The following PCMT1 variants were observed in gnomAD, a reference collection of about 807,000 sequenced individuals.
PCMT1 encodes the protein protein-L-isoaspartate(D-aspartate) O-methyltransferase.
A neutral mutation model predicts 29.2 loss-of-function variants in PCMT1; 9 were observed. The ratio of observed to expected loss-of-function variants is 0.31; its 90% CI spans 0.19 to 0.54. The LOEUF (loss-of-function observed/expected upper bound fraction) is 0.54, where lower values mean the gene tolerates loss of function less well. Among genes scored for constraint, PCMT1 ranks in the 20% least tolerant of loss-of-function variants. The pLI is 0.95. For synonymous variants in PCMT1, 98 were observed against 97.5 expected (o/e 1.00, Z -0.03); for missense variants, 184 against 282.2 (o/e 0.65, Z 2.49).
chr6:149,755,772 T>G (rs1175199925), intron 1 of PCMT1, among the ~76,000 whole-genome samples: 15 of 152,158 alleles, frequency 9.9e-5, no homozygotes, highest in Non-Finnish European at 2.2e-4. Flanking sequence ...AAACATCCAC[T>G]CCCTCTTGTA....
At chr6:149,759,952 C>T (rs887157368) in intron 1 of PCMT1, among the ~76,000 whole-genome samples, 6 of 152,150 alleles carry the variant, frequency 3.9e-5, no homozygotes, top group Admixed American at 3.3e-4. Flanking sequence ...TTACAAATGC[C>T]TTTCATAGCC....
At chr6:149,765,876 G>A (rs1038682776) in intron 1 of PCMT1, 2 of 164,076 alleles carry the variant, frequency 1.2e-5, no homozygotes, top group South Asian at 1.5e-4. Context: ...TGAGGCAGGA[G>A]AATTGCTTGA....
intron 7 of PCMT1, among the ~76,000 whole-genome samples, chr6:149,804,663 A>C (rs1775955096): frequency 6.6e-6 from 1 of 151,928 alleles, no homozygotes; most frequent in Non-Finnish European, 1.5e-5. Context: ...ATAGGCGCCC[A>C]GCTAAATTTT....
chr6:149,768,668 T>C (rs1787190185), intron 1 of PCMT1, among the ~76,000 whole-genome samples: 1 of 151,774 alleles, frequency 6.6e-6, no homozygotes, highest in African/African-American at 2.4e-5. Context: ...GCTCTGTTGC[T>C]CATGCTTGAG....
In PCMT1 at chr6:149,784,589, C is replaced by T. The variant is rs142309138; in HGVS notation, c.193-5365C>T. Among the ~76,000 whole-genome samples the T allele has an allele frequency of 7.4e-3, 1,124 of 151,888 alleles. 21 individuals are homozygous for T. The highest frequency in any genetic ancestry group is 0.026 in the African/African-American group (1,079 of 41,434). On this transcript the variant is annotated intron_variant, in intron 3 of 7. Coordinates refer to ENST00000464889, the MANE Select transcript of PCMT1 (RefSeq NM_001360452.2). ...AAATCATCCTCTCACCTCAGCCTCT[C>T]GAGTAGCTGGGACTACAGGTGTGCA...
chr6:149,765,762 T>C, intron 1 of PCMT1: 1 of 308,934 alleles, frequency 3.2e-6, no homozygotes, highest in Non-Finnish European at 6.2e-6. Context: ...AGGTCAGGAG[T>C]TTGAGACCAG....
chr6:149,795,125 G>A (rs1344661929), intron 5 of PCMT1: 5 of 315,260 alleles, frequency 1.6e-5, no homozygotes, highest in South Asian at 5.3e-5. Context: ...CCTGGGAGGC[G>A]GAGGTTGCAG....
intron 1 of PCMT1, among the ~76,000 whole-genome samples, chr6:149,760,780 A>T (rs995503802): frequency 2.0e-5 from 3 of 152,184 alleles, no homozygotes; most frequent in Non-Finnish European, 4.4e-5. Flanking sequence ...TGAACCAGGG[A>T]GTCGGAGGTT....
chr6:149,763,301 T>C lies in PCMT1; in HGVS notation c.56-7861T>C, dbSNP rs1395461436. Among the ~76,000 whole-genome samples the C allele has an allele frequency of 2.7e-5, 4 of 146,450 alleles. 1 individual carries two copies. The highest frequency in any genetic ancestry group is 6.0e-5 in the Non-Finnish European group (4 of 66,898). On this transcript the variant is annotated intron_variant, in intron 1 of 7. Transcript: ENST00000464889. Reference sequence around the variant, plus strand: ...ATCTATGATATCTATGATATATATATCTATGATATATATATCATAGATTAC... The same window carrying C: ...ATCTATGATATCTATGATATATATACCTATGATATATATATCATAGATTAC...
intron 3 of PCMT1, among the ~76,000 whole-genome samples, chr6:149,786,671 C>T (rs1178822438): frequency 6.6e-5 from 10 of 151,086 alleles, no homozygotes; most frequent in Admixed American, 3.3e-4. Flanking sequence ...CCTCACCTCC[C>T]AGACGGGGTC....
In PCMT1 at chr6:149,793,558, A is replaced by G. The variant is rs936584675; in HGVS notation, c.307A>G (p.Thr103Ala). ...GTTTTCTCTTTTCCAGGTTGGATGT[A>G]CTGGAAAAGTCATAGGAATTGATCA... ...TACFARMVGC[T>A]GKVIGIDHIK... is the part of the protein sequence containing the mutation. Residue 103 changes from threonine to alanine, a missense_variant, in exon 5 of 8, where the codon ACT becomes GCT. Thr to Ala is a moderately conservative substitution (Grantham distance 58). Transcript: ENST00000464889. 1 of 1,479,412 alleles carries G rather than the reference A, an allele frequency of 6.8e-7. No individual in the cohort carries two copies. 91.6% of individuals were successfully genotyped at this position (1,479,412 alleles called of 1,614,324 possible). A position where few individuals can be genotyped will look rare whatever the true frequency, so the allele number is the denominator to read the frequency against.
chr6:149,785,614 C>G (rs1028160606), intron 3 of PCMT1, among the ~76,000 whole-genome samples: 10 of 151,910 alleles, frequency 6.6e-5, no homozygotes, highest in South Asian at 6.2e-4. Flanking sequence ...TGACTCTTAA[C>G]GAGCACGCTG....
chr6:149,806,595 A>G (rs534132959), intron 7 of PCMT1, among the ~76,000 whole-genome samples: 3 of 151,578 alleles, frequency 2.0e-5, no homozygotes, highest in Non-Finnish European at 4.4e-5. Context: ...GTTTTGTTTT[A>G]TTTTGTTTTG....
chr6:149,794,619 A>C (rs1276753313), intron 5 of PCMT1: 1 of 260,452 alleles, frequency 3.8e-6, no homozygotes, highest in Non-Finnish European at 7.6e-6. Flanking sequence ...TCCGTCTCAA[A>C]AAAACAAATA....
At chr6:149,750,503 G>T (rs1355545023) in intron 1 of PCMT1, among the ~76,000 whole-genome samples, 1 of 152,166 alleles carries the variant, frequency 6.6e-6, no homozygotes, top group Non-Finnish European at 1.5e-5. Context: ...AGGGGAGGAA[G>T]ATGAGAGTAT....
intron 1 of PCMT1, among the ~76,000 whole-genome samples, chr6:149,760,959 A>G (rs10872650): frequency 0.44 from 66,543 of 152,036 alleles, 15,595 homozygotes; most frequent in East Asian, 0.81. Flanking sequence ...TCACAGGGAG[A>G]CTAATTGGGA....
chr6:149,792,676 C>T (rs1171332315), intron 4 of PCMT1, among the ~76,000 whole-genome samples: 1 of 151,976 alleles, frequency 6.6e-6, no homozygotes, highest in African/African-American at 2.4e-5. Flanking sequence ...TGCTACCACA[C>T]CTGGCTAGTT....
chr6:149,807,424 T>G (rs1776046309), intron 7 of PCMT1, among the ~76,000 whole-genome samples: 1 of 152,180 alleles, frequency 6.6e-6, no homozygotes, highest in Non-Finnish European at 1.5e-5. Flanking sequence ...CAGGCTGGAG[T>G]GCAGTGATGC....
chr6:149,808,770 A>G (rs1293262374), intron 7 of PCMT1, among the ~76,000 whole-genome samples: 2 of 151,586 alleles, frequency 1.3e-5, no homozygotes, highest in Admixed American at 1.3e-4. Flanking sequence ...CCGAATAGCT[A>G]GGATTACAGG....
Sources: allele counts gnomAD v4.1 joint callset (sites outside exome capture counted in the v4.1 genomes callset), GRCh38; gene constraint gnomAD v4.1.1; transcripts MANE v1.5; gene names NCBI Gene and HGNC (gene_info 2026-07-23, HGNC 2026-07-21).